The following PALM3 variants were observed in gnomAD, a reference collection of about 807,000 sequenced individuals.
PALM3 encodes the protein paralemmin 3.
Under a neutral mutation model 27.9 loss-of-function variants are expected in PALM3, and 20 were observed. That is an observed-to-expected ratio of 0.72 (90% confidence interval 0.50 to 1.04). The LOEUF is 1.04. Ranked by LOEUF, PALM3 falls within the 50% of genes least tolerant of loss-of-function variation. PALM3 has a pLI of 0.00. For synonymous variants in PALM3, 328 were observed against 352.7 expected (o/e 0.93, Z 0.79); for missense variants, 814 against 869.4 (o/e 0.94, Z 0.80).
chr19:14,053,999 C>A lies in PALM3; in HGVS notation c.1673G>T (p.Gly558Val), dbSNP rs945330716. 1.3e-6 allele frequency: 2 copies of A among 1,551,692 alleles called. No individual in the cohort carries two copies. The highest frequency in any genetic ancestry group is 1.7e-4 in the Middle Eastern group (1 of 5,994). ...CTGGGATTCACTTCCTTCCCTAGACCCTTGTTCTAGATTCAGATCTCCCTC... is the reference window on the plus strand; with the variant it reads ...CTGGGATTCACTTCCTTCCCTAGACACTTGTTCTAGATTCAGATCTCCCTC... The part of the protein sequence containing the change: ...GTEGDLNLEQ[G>V]SREGSESQAE... Residue 558 changes from glycine to valine, a missense_variant, in exon 7 of 7, where the codon GGG (glycine) becomes GTG (valine). Physicochemically the swap from Gly to Val is moderately radical, Grantham distance 109 (BLOSUM62 -3). Coordinates refer to ENST00000669674, the MANE Select transcript of PALM3 (RefSeq NM_001145028.2).
chr19:14,054,263 C>A lies in PALM3; in HGVS notation c.1409G>T (p.Gly470Val). The change falls in exon 7 of 7, where the codon GGC becomes GTC. Residue 470 changes from glycine to valine, a missense_variant. By Grantham distance (109) the Gly-to-Val change is moderately radical. Coordinates refer to ENST00000669674, the MANE Select transcript of PALM3 (RefSeq NM_001145028.2). Reference protein sequence around the residue: ...TEREGGEEPLGIERKVEGHLR... With the variant: ...TEREGGEEPLVIERKVEGHLR... ...ATGTCCCTCAACTTTTCTCTCTATG[C>A]CCAGTGGTTCCTCACCTCCTTCCCT... 6.4e-7 allele frequency: 1 copy of A among 1,552,008 alleles called. No individual in the cohort carries two copies. The highest frequency in any genetic ancestry group is 8.7e-7 in the Non-Finnish European group (1 of 1,147,042).
chr19:14,055,514 A>T, intron 5 of PALM3, 89 bp from the exon 6 acceptor site: 1 of 1,315,028 alleles, frequency 7.6e-7, no homozygotes, highest in Non-Finnish European at 1.1e-6. Flanking sequence ...ACCACCCCTA[A>T]ATACCCTCAG....
At position 14,053,414 on chromosome 19, in the gene PALM3, AAGG is replaced by A. The variant is rs1976218664; in HGVS notation, c.*188_*190del. ...TTCAAGTATAAAGGCTTCATCGCAG[AAGG>A]AGGCCAGGGTTACAGGCAGTGGGCA... On this transcript the variant is annotated 3_prime_UTR_variant, in exon 7 of 7. Transcript: ENST00000669674. 3.8e-6 allele frequency: 2 copies of A among 527,946 alleles called. No homozygotes were observed. The highest frequency in any genetic ancestry group is 1.9e-5 in the African/African-American group (1 of 51,760). 32.7% of individuals were successfully genotyped at this position (527,946 alleles called of 1,614,324 possible). A position where few individuals can be genotyped will look rare whatever the true frequency, so the allele number is the denominator to read the frequency against.
Position 14,056,796 on chromosome 19 carries a change from A to G in PALM3, c.180T>C (p.Ser60=). ...CATCCATTAGCCAACGTTCCCGGAGAGACTTCCTCTGGGCAGGGGAAGGGA... is the reference window on the plus strand; with the variant it reads ...CATCCATTAGCCAACGTTCCCGGAGGGACTTCCTCTGGGCAGGGGAAGGGA... ...KLRVERLKRK[S]LRERWLMDGA... The change falls in exon 4 of 7, where the codon TCT becomes TCC. Residue 60 remains serine (S), a synonymous_variant. Transcript: ENST00000669674. 1 of 1,548,378 alleles carries G rather than the reference A, an allele frequency of 6.5e-7. No homozygotes were observed. The highest frequency in any genetic ancestry group is 8.7e-7 in the Non-Finnish European group (1 of 1,145,394).
At position 14,055,096 on chromosome 19, in the gene PALM3, T is replaced by G; in HGVS notation, c.576A>C (p.Ala192=). 1 of 1,551,570 alleles carries G rather than the reference T, an allele frequency of 6.4e-7. No individual in the cohort carries two copies. Among genetic ancestry groups the G allele is most frequent in the African/African-American group, 1.4e-5 (1 of 73,160 alleles). ...LPGPRQVPGA[A]GDSSEANGPC... Reference sequence around the variant, plus strand: ...GGCCATTGGCTTCTGAGGAGTCTCCTGCTGCCCCGGGGACCTGCCTCGGGC... The same window carrying G: ...GGCCATTGGCTTCTGAGGAGTCTCCGGCTGCCCCGGGGACCTGCCTCGGGC... The change falls in exon 7 of 7, where the codon GCA becomes GCC. Residue 192 remains alanine, a synonymous_variant. Transcript: ENST00000669674.
chr19:14,055,562 T>C, intron 5 of PALM3, 137 bp from the exon 6 acceptor site: 1 of 811,548 alleles, frequency 1.2e-6, no homozygotes, highest in Non-Finnish European at 2.0e-6. Flanking sequence ...CTCCACATTG[T>C]ACCTCTGCCT....
chr19:14,059,750 C>T lies in PALM3; in HGVS notation c.42-587G>A, dbSNP rs527686747. Among the ~76,000 whole-genome samples, 866 of 152,210 alleles carry T rather than the reference C, an allele frequency of 5.7e-3. 14 individuals carry two copies. The highest frequency in any genetic ancestry group is 0.02 in the African/African-American group (840 of 41,510). ...TGGGGGGGCAAGCGAGTCTGTGGCC[C>T]TCCCACTGTTGCCATGGTAACCCCA... On this transcript the variant is annotated intron_variant, in intron 1 of 6. Coordinates refer to ENST00000669674, the MANE Select transcript of PALM3 (RefSeq NM_001145028.2).
chr19:14,059,294 A>T (rs970895644), intron 1 of PALM3, 131 bp from the exon 2 acceptor site: 1 of 877,434 alleles, frequency 1.1e-6, no homozygotes, highest in African/African-American at 1.8e-5. Flanking sequence ...GCACCTGGGA[A>T]GAGTCTGGGC....
At position 14,057,537 on chromosome 19, in the gene PALM3, G is replaced by A. The variant is rs1976329795; in HGVS notation, c.91-106C>T. The A allele has an allele frequency of 2.2e-5, 22 of 982,630 alleles. No individual in the cohort carries two copies. The South Asian group carries it at 2.7e-4, about 12-fold the overall frequency. The allele number at this position is 982,630 out of a possible 1,614,324, so 60.9% of individuals were successfully genotyped here. A position where few individuals can be genotyped will look rare whatever the true frequency, so the allele number is the denominator to read the frequency against. On this transcript the variant is annotated intron_variant, in intron 2 of 6. Coordinates refer to ENST00000669674, the MANE Select transcript of PALM3 (RefSeq NM_001145028.2). ...CTCCGCGGGGCTCACCGGAGCTCCC[G>A]GGGCTCCCGAGGCAGCGAGCCCGGC...
At chr19:14,055,662 G>C (rs1043334379) in intron 5 of PALM3, among the ~76,000 whole-genome samples, 1 of 152,184 alleles carries the variant, frequency 6.6e-6, no homozygotes, top group Non-Finnish European at 1.5e-5. Context: ...ATCTGTATTA[G>C]GGGCCTACTT....
In PALM3 at chr19:14,053,846, G is replaced by A. The variant is rs1410172714; in HGVS notation, c.1826C>T (p.Thr609Ile). 7 of 1,551,242 alleles carry A rather than the reference G, an allele frequency of 4.5e-6. No homozygotes were observed. The Admixed American group carries it at 5.9e-5, about 13-fold the overall frequency. Residue 609 changes from threonine (T) to isoleucine (I), a missense_variant, in exon 7 of 7, where the codon ACC becomes ATC. Coordinates refer to ENST00000669674, the MANE Select transcript of PALM3 (RefSeq NM_001145028.2). ...CAAGGGGCCTTGGCCCTCAGCAGCG[G>A]TTTGGGGCTTCACTCCTTCCTCCTC... ...ALEEEGVKPQ[T>I]AAEGQGPLGD...
At chr19:14,059,570 G>A (rs1388341704) in intron 1 of PALM3, among the ~76,000 whole-genome samples, 1 of 152,084 alleles carries the variant, frequency 6.6e-6, no homozygotes, top group African/African-American at 2.4e-5. Flanking sequence ...ATTCCATGAT[G>A]AATAATATGT....
Position 14,057,404 on chromosome 19 carries a change from G to T in PALM3, c.118C>A (p.Arg40Ser). Residue 40 changes from arginine (R) to serine (S), a missense_variant, in exon 3 of 7, where the codon CGC becomes AGC. Transcript: ENST00000669674. The stretch of plus-strand genomic sequence containing the variant: ...TCCTCCACCTCCCGGCGCGCGGCGC[G>T]GATCTCCTCCTGCAGCCGCCGCTTC... ...AEKRRLQEEI[R>S]AARREVEEEK... The T allele has an allele frequency of 6.5e-7, 1 of 1,543,490 alleles. No homozygotes were observed. Among genetic ancestry groups the T allele is most frequent in the Non-Finnish European group, 8.7e-7 (1 of 1,145,120 alleles).
chr19:14,057,850 G>C (rs1402187926), intron 2 of PALM3, among the ~76,000 whole-genome samples: 1 of 152,184 alleles, frequency 6.6e-6, no homozygotes, highest in Non-Finnish European at 1.5e-5. Flanking sequence ...GCTCACGCCT[G>C]TAATCCCAGG....
At position 14,053,963 on chromosome 19, in the gene PALM3, A is replaced by T. The variant is rs760326322; in HGVS notation, c.1709T>A (p.Met570Lys). The stretch of plus-strand genomic sequence containing the variant: ...CTCAAGGGGAGGCCCTGCCTCATTC[A>T]TCTCCTCTGCCTGGGATTCACTTCC... ...REGSESQAEEMNEAGPPLEAN... is the reference protein window; with the variant it reads ...REGSESQAEEKNEAGPPLEAN... Residue 570 changes from methionine to lysine, a missense_variant, in exon 7 of 7, where the codon ATG (methionine) becomes AAG (lysine). By Grantham distance (95) the Met-to-Lys change is moderately conservative. Transcript: ENST00000669674. 250 of 1,551,318 alleles carry T rather than the reference A, an allele frequency of 1.6e-4. No homozygotes were observed. The highest frequency in any genetic ancestry group is 2.2e-4 in the Non-Finnish European group (248 of 1,146,868).
At chr19:14,059,687 C>G (rs1976384579) in intron 1 of PALM3, among the ~76,000 whole-genome samples, 1 of 152,134 alleles carries the variant, frequency 6.6e-6, no homozygotes, top group Non-Finnish European at 1.5e-5. Context: ...CCCACACCCT[C>G]TCTGGACCTC....
intron 1 of PALM3, among the ~76,000 whole-genome samples, 183 bp from the exon 2 acceptor site, chr19:14,059,346 G>A (rs1025780940): frequency 2.6e-5 from 4 of 152,018 alleles, no homozygotes; most frequent in Non-Finnish European, 5.9e-5. Flanking sequence ...CAGTGACCAC[G>A]ACTGGTGAGG....
At position 14,053,879 on chromosome 19, in the gene PALM3, C is replaced by T; in HGVS notation, c.1793G>A (p.Gly598Glu). The change falls in exon 7 of 7, where the codon GGA (glycine) becomes GAA (glutamate). Residue 598 changes from glycine to glutamate, a missense_variant. Transcript: ENST00000669674. ...EGPQPQEKPV[G>E]ALEEEGVKPQ... ...CTTCACTCCTTCCTCCTCCAGGGCT[C>T]CTACTGGCTTCTCCTGGGGCTGGGG... The T allele has an allele frequency of 2.6e-6, 4 of 1,551,630 alleles. No individual in the cohort carries two copies. Among genetic ancestry groups the T allele is most frequent in the Non-Finnish European group, 3.5e-6 (4 of 1,146,934 alleles).
rs1055123595 is a variant in PALM3, at chr19:14,054,394, C to T, written c.1278G>A (p.Gly426=). 1.2e-5 allele frequency: 19 copies of T among 1,552,098 alleles called. No individual in the cohort carries two copies. In the East Asian group the frequency reaches 4.4e-4, roughly 36 times the overall value. The part of the protein sequence containing the change: ...SMGIGSEEKP[G]TGRDEAEMSP... ...ACATCTCCGCTTCATCCCTCCCTGT[C>T]CCTGGCTTTTCCTCACTTCCTATTC... The change falls in exon 7 of 7, where the codon GGG becomes GGA. Residue 426 remains glycine (G), a synonymous_variant. Coordinates refer to ENST00000669674, the MANE Select transcript of PALM3 (RefSeq NM_001145028.2).
Sources: gnomAD v4.1 joint callset for allele counts (sites outside exome capture counted in the v4.1 genomes callset) on GRCh38, gnomAD v4.1.1 for gene constraint, MANE v1.5 for transcripts, NCBI Gene and HGNC (gene_info 2026-07-23, HGNC 2026-07-21) for gene names.